PUM1: variants seen among roughly 807,000 people sequenced by gnomAD.
The protein encoded by PUM1 is pumilio homolog 1.
PUM1 carries 13 observed loss-of-function variants against 131.8 expected under a neutral mutation model. The ratio of observed to expected loss-of-function variants is 0.10; its 90% CI spans 0.06 to 0.16. The LOEUF (loss-of-function observed/expected upper bound fraction) is 0.16. Among genes scored for constraint, PUM1 ranks in the 10% least tolerant of loss-of-function variants. PUM1 has a pLI of 1.00. For missense variants in PUM1, 961 were observed against 1,512.4 expected, an observed-to-expected ratio of 0.64 and a Z score of 6.05; for synonymous variants, 509 against 556.5, an observed-to-expected ratio of 0.91 and a Z score of 1.20.
Position 31,052,877 on chromosome 1 carries a change from T to A in PUM1, c.363+6327A>T, listed in dbSNP as rs375150368. Among the ~76,000 whole-genome samples, 115 of 151,886 alleles carry A rather than the reference T, an allele frequency of 7.6e-4. 1 individual carries two copies. Among genetic ancestry groups the A allele is most frequent in the African/African-American group, 2.6e-3 (109 of 41,412 alleles). Reference sequence around the variant, plus strand: ...CGCCACGACGCCCGGCTGATTTTTGTATTTTTAGTAGACACGGGGTTTCAT... The same window carrying A: ...CGCCACGACGCCCGGCTGATTTTTGAATTTTTAGTAGACACGGGGTTTCAT... On this transcript the variant is annotated intron_variant, in intron 2 of 21. Coordinates refer to ENST00000426105, the MANE Select transcript of PUM1 (RefSeq NM_001020658.2).
At chr1:31,024,236 A>G (rs755271276) in intron 3 of PUM1, among the ~76,000 whole-genome samples, 2 of 152,134 alleles carry the variant, frequency 1.3e-5, no homozygotes, top group Non-Finnish European at 2.9e-5. Context: ...GCCCAATCCA[A>G]TGCTACCTCT....
intron 3 of PUM1, among the ~76,000 whole-genome samples, chr1:31,018,528 T>C (rs569104129): frequency 1.3e-5 from 2 of 151,284 alleles, no homozygotes; most frequent in Non-Finnish European, 2.9e-5. Context: ...TGTCATGGCA[T>C]GCACCCGTAG....
At chr1:31,064,697 A>G (rs928052688) in intron 1 of PUM1, among the ~76,000 whole-genome samples, 2 of 133,360 alleles carry the variant, frequency 1.5e-5, no homozygotes, top group Non-Finnish European at 3.1e-5. Flanking sequence ...GTAACAATCT[A>G]AGTTACGGGA....
chr1:30,952,041 C>T (rs541108074), intron 16 of PUM1, among the ~76,000 whole-genome samples, 193 bp downstream of exon 16: 1 of 152,224 alleles, frequency 6.6e-6, no homozygotes, highest in South Asian at 2.1e-4. Context: ...ATTATCTGCT[C>T]GGATATTTAA....
chr1:31,003,840 A>T (rs1417433883), intron 5 of PUM1, among the ~76,000 whole-genome samples: 1 of 152,206 alleles, frequency 6.6e-6, no homozygotes, highest in Non-Finnish European at 1.5e-5. Context: ...AAGTGGCTTG[A>T]TGTCACTAGA....
In PUM1 at chr1:30,974,872, C is replaced by T. The variant is rs1201124961; in HGVS notation, c.1355-70G>A. ...GCTCATCTCAGCCTTTCCAAAATTA[C>T]ATCTGACTCAATAGATCCTACTGTA... On this transcript the variant is annotated intron_variant, in intron 9 of 21. Coordinates refer to ENST00000426105, the MANE Select transcript of PUM1 (RefSeq NM_001020658.2). The T allele has an allele frequency of 8.6e-5, 106 of 1,233,628 alleles. 1 individual carries two copies. Among genetic ancestry groups the T allele is most frequent in the Admixed American group, 1.2e-4 (5 of 40,672 alleles). 76.4% of individuals were successfully genotyped at this position (1,233,628 alleles called of 1,614,324 possible). A position where few individuals can be genotyped will look rare whatever the true frequency, so the allele number is the denominator to read the frequency against.
At chr1:30,979,763 G>A (rs931613951) in intron 9 of PUM1, among the ~76,000 whole-genome samples, 3 of 152,266 alleles carry the variant, frequency 2.0e-5, no homozygotes, top group East Asian at 3.9e-4. Context: ...TAGACTAGAG[G>A]TGGTAGGAGA....
chr1:30,979,412 G>A (rs1443589245), intron 9 of PUM1, among the ~76,000 whole-genome samples: 2 of 152,256 alleles, frequency 1.3e-5, no homozygotes, highest in East Asian at 1.9e-4. Context: ...TATGTATGAG[G>A]CATGGTGATA....
intron 2 of PUM1, among the ~76,000 whole-genome samples, chr1:31,029,762 A>C (rs530662903): frequency 6.6e-6 from 1 of 152,178 alleles, no homozygotes; most frequent in African/African-American, 2.4e-5. Context: ...CTCTACAAAA[A>C]ATATAAAAAT....
intron 2 of PUM1, among the ~76,000 whole-genome samples, chr1:31,054,797 T>C (rs1020775402): frequency 6.6e-6 from 1 of 152,194 alleles, no homozygotes; most frequent in East Asian, 1.9e-4. Context: ...TTACAGTCTC[T>C]AAATTTCAAG....
Position 31,034,374 on chromosome 1 carries a change from C to G in PUM1, c.364-5510G>C, listed in dbSNP as rs147685461. On this transcript the variant is annotated intron_variant, in intron 2 of 21. Transcript: ENST00000426105. ...CCATATTAAAACAAATGTACAGGCT[C>G]ACACCTGCAATCACAGAACTTTGGG... is the stretch of plus-strand genomic sequence containing the variant. Among the ~76,000 whole-genome samples, 632 of 152,274 alleles carry G rather than the reference C, an allele frequency of 4.2e-3. 3 individuals carry two copies. Among genetic ancestry groups the G allele is most frequent in the South Asian group, 8.9e-3 (43 of 4,826 alleles).
chr1:30,993,733 C>T (rs942350063), intron 6 of PUM1, among the ~76,000 whole-genome samples: 1 of 152,064 alleles, frequency 6.6e-6, no homozygotes, highest in African/African-American at 2.4e-5. Flanking sequence ...TCTGAAAGAC[C>T]TTAGGTAAGT....
At chr1:30,947,194 G>A (rs1243855757) in intron 17 of PUM1, among the ~76,000 whole-genome samples, 1 of 152,156 alleles carries the variant, frequency 6.6e-6, no homozygotes, top group African/African-American at 2.4e-5. Context: ...TGAACTGTAT[G>A]GTAAACCACT....
chr1:30,965,012 G>A (rs1640562782), intron 13 of PUM1, 102 bp from the exon 14 acceptor site: 12 of 922,298 alleles, frequency 1.3e-5, no homozygotes, highest in South Asian at 6.3e-5. Flanking sequence ...CCTTACCACC[G>A]CAAATTTGTC....
intron 14 of PUM1, among the ~76,000 whole-genome samples, chr1:30,955,299 A>C (rs1413508298): frequency 1.7e-5 from 2 of 116,218 alleles, no homozygotes; most frequent in East Asian, 6.0e-4. Flanking sequence ...ACTAAAAAAT[A>C]CAAAAAAAAA....
intron 7 of PUM1, among the ~76,000 whole-genome samples, chr1:30,991,711 C>G (rs1641801002): frequency 6.6e-6 from 1 of 152,148 alleles, no homozygotes; most frequent in African/African-American, 2.4e-5. Context: ...GCTGACCTTT[C>G]TTTAAAAAAT....
chr1:30,985,449 TCGAGAC>T (rs1200650296), intron 7 of PUM1, among the ~76,000 whole-genome samples: 6 of 152,120 alleles, frequency 3.9e-5, no homozygotes, highest in African/African-American at 4.8e-5. Flanking sequence ...GGTCAGGAGT[TCGAGAC>T]CAGCCTGACC....
At chr1:31,005,784 G>A (rs1642378132) in intron 5 of PUM1, 69 bp downstream of exon 5, 1 of 1,393,666 alleles carries the variant, frequency 7.2e-7, no homozygotes, top group Admixed American at 2.7e-5. Flanking sequence ...TTGCTTTAGG[G>A]GAAAAAAAGA....
intron 9 of PUM1, among the ~76,000 whole-genome samples, chr1:30,979,104 CAA>C (rs748319256): frequency 8.5e-5 from 7 of 82,600 alleles, no homozygotes; most frequent in Non-Finnish European, 7.4e-5. Flanking sequence ...ATCCTGTCTC[CAA>C]AAAAAAAAAA....
Sources: gnomAD v4.1 joint callset for allele counts (sites outside exome capture counted in the v4.1 genomes callset) on GRCh38, gnomAD v4.1.1 for gene constraint, MANE v1.5 for transcripts, NCBI Gene and HGNC (gene_info 2026-07-23, HGNC 2026-07-21) for gene names.